The following KCNIP4 variants were observed in gnomAD, a reference collection of about 807,000 sequenced individuals.
The protein encoded by KCNIP4 is potassium voltage-gated channel interacting protein 4.
A neutral mutation model predicts 34.0 loss-of-function variants in KCNIP4; 12 were observed. That is an observed-to-expected ratio of 0.35 (90% confidence interval 0.23 to 0.57). The LOEUF is 0.57. KCNIP4 is among the 20% of genes least tolerant of loss of function. KCNIP4 has a pLI of 0.83. For missense variants in KCNIP4, 238 were observed against 311.7 expected, an observed-to-expected ratio of 0.76 and a Z score of 1.78; for synonymous variants, 124 against 102.2, an observed-to-expected ratio of 1.21 and a Z score of -1.29.
At chr4:21,632,395 AC>A (rs200557585) in intron 1 of KCNIP4, among the ~76,000 whole-genome samples, 4 of 56,944 alleles carry the variant, frequency 7.0e-5, no homozygotes, top group East Asian at 1.2e-3. Flanking sequence ...TGTATTTTTC[AC>A]TTGTTTTTTT....
At chr4:21,509,500 G>C (rs770957067) in intron 1 of KCNIP4, among the ~76,000 whole-genome samples, 10 of 152,212 alleles carry the variant, frequency 6.6e-5, no homozygotes, top group Non-Finnish European at 1.5e-4. Flanking sequence ...AGTGCTGTAG[G>C]CATTTGCTGG....
intron 1 of KCNIP4, among the ~76,000 whole-genome samples, chr4:21,883,680 T>C (rs994233897): frequency 2.0e-5 from 3 of 152,176 alleles, no homozygotes; most frequent in Admixed American, 2.0e-4. Flanking sequence ...TCATCCACAG[T>C]GCTACTGACT....
chr4:20,949,451 G>C (rs562022561), intron 1 of KCNIP4, among the ~76,000 whole-genome samples: 55 of 152,204 alleles, frequency 3.6e-4, no homozygotes, highest in African/African-American at 1.2e-3. Context: ...TCAGTGTGGC[G>C]ATTCCTCAGG....
chr4:21,610,517 T>C (rs758804589), intron 1 of KCNIP4, among the ~76,000 whole-genome samples: 7 of 152,212 alleles, frequency 4.6e-5, no homozygotes, highest in East Asian at 1.9e-4. Flanking sequence ...TTATAATCTT[T>C]CTTTTTGTGA....
chr4:21,226,354 AGAAGGAAG>A (rs778357072), intron 1 of KCNIP4, among the ~76,000 whole-genome samples: 5 of 135,832 alleles, frequency 3.7e-5, no homozygotes, highest in East Asian at 4.3e-4. Flanking sequence ...GAGAAGGAAG[AGAAGGAAG>A]GAAGGAAGGA....
intron 2 of KCNIP4, among the ~76,000 whole-genome samples, chr4:20,857,870 G>A (rs991651811): frequency 2.6e-5 from 4 of 152,040 alleles, no homozygotes; most frequent in African/African-American, 7.2e-5. Context: ...AAATTCATAT[G>A]TTGAAGGTCT....
chr4:21,438,450 G>C (rs1157898260), intron 1 of KCNIP4, among the ~76,000 whole-genome samples: 1 of 152,152 alleles, frequency 6.6e-6, no homozygotes, highest in South Asian at 2.1e-4. Flanking sequence ...TACTGTAACA[G>C]ATTCTTTCCT....
chr4:21,572,978 C>A (rs373811854), intron 1 of KCNIP4, among the ~76,000 whole-genome samples: 1 of 152,086 alleles, frequency 6.6e-6, no homozygotes, highest in South Asian at 2.1e-4. Flanking sequence ...GATCTTTTCC[C>A]TATCTCTTAG....
chr4:21,380,217 C>T (rs563758190), intron 1 of KCNIP4, among the ~76,000 whole-genome samples: 2 of 152,092 alleles, frequency 1.3e-5, no homozygotes, highest in East Asian at 3.9e-4. Context: ...ATAGAAAGTG[C>T]TTTGTATACC....
intron 1 of KCNIP4, among the ~76,000 whole-genome samples, chr4:21,119,190 G>T (rs913612873): frequency 6.6e-6 from 1 of 152,054 alleles, no homozygotes; most frequent in South Asian, 2.1e-4. Context: ...GGGCCCAAAT[G>T]GTGGAAGAGG....
intron 1 of KCNIP4, among the ~76,000 whole-genome samples, chr4:21,423,270 GT>G (rs1271366822): frequency 3.9e-5 from 6 of 152,182 alleles, no homozygotes; most frequent in African/African-American, 1.4e-4. Flanking sequence ...GAGTATTTAT[GT>G]AAAAGGCACT....
In KCNIP4 at chr4:20,803,797, T is replaced by C. The variant is rs543997445; in HGVS notation, c.289-44907A>G. 4.1e-4 allele frequency among the ~76,000 whole-genome samples: 61 copies of C among 149,606 alleles called. 1 individual carries two copies. The highest frequency in any genetic ancestry group is 3.9e-3 in the Admixed American group (58 of 15,012). On this transcript the variant is annotated intron_variant, in intron 3 of 8. Coordinates refer to ENST00000382152, the MANE Select transcript of KCNIP4 (RefSeq NM_025221.6). Reference sequence around the variant, plus strand: ...CGGAAAATAGAGAACAGAAAAACCATAGAAAGAATCGAGAATATATTTTTG... The same window carrying C: ...CGGAAAATAGAGAACAGAAAAACCACAGAAAGAATCGAGAATATATTTTTG...
At chr4:21,891,884 G>T (rs762960213) in intron 1 of KCNIP4, among the ~76,000 whole-genome samples, 26 of 151,956 alleles carry the variant, frequency 1.7e-4, no homozygotes, top group Non-Finnish European at 3.5e-4. Context: ...AAATTAATTT[G>T]CCTCTGTCTC....
chr4:21,443,380 T>TA (rs1348856452), intron 1 of KCNIP4, among the ~76,000 whole-genome samples: 1 of 152,212 alleles, frequency 6.6e-6, no homozygotes, highest in East Asian at 1.9e-4. Context: ...TGCTGTAGAA[T>TA]ATGTTAGTAT....
At chr4:21,436,186 A>C (rs933090940) in intron 1 of KCNIP4, among the ~76,000 whole-genome samples, 2 of 152,148 alleles carry the variant, frequency 1.3e-5, no homozygotes, top group Admixed American at 6.5e-5. Flanking sequence ...ATGTCAAGAA[A>C]ATCATGTGTT....
intron 1 of KCNIP4, among the ~76,000 whole-genome samples, chr4:21,531,196 C>T (rs544678637): frequency 7.9e-5 from 12 of 152,238 alleles, no homozygotes; most frequent in African/African-American, 2.6e-4. Context: ...AAGTGAAAAC[C>T]AACCTGCTTA....
intron 1 of KCNIP4, among the ~76,000 whole-genome samples, chr4:21,629,409 C>T (rs987119316): frequency 6.6e-5 from 10 of 152,144 alleles, no homozygotes; most frequent in African/African-American, 9.7e-5. Flanking sequence ...AGCAATAATA[C>T]TAACTACTCT....
chr4:20,964,101 C>A (rs1304133851), intron 1 of KCNIP4, among the ~76,000 whole-genome samples: 2 of 152,052 alleles, frequency 1.3e-5, no homozygotes, highest in African/African-American at 4.8e-5. Context: ...TGTTCTAGAA[C>A]CTATAAGTAT....
intron 1 of KCNIP4, among the ~76,000 whole-genome samples, chr4:21,185,953 T>C (rs1430264391): frequency 2.0e-5 from 3 of 152,212 alleles, no homozygotes; most frequent in East Asian, 1.9e-4. Context: ...TCTTGTTCAA[T>C]GCTGAGTACA....
Sources: allele counts gnomAD v4.1 joint callset (sites outside exome capture counted in the v4.1 genomes callset), GRCh38; gene constraint gnomAD v4.1.1; transcripts MANE v1.5; gene names NCBI Gene and HGNC (gene_info 2026-07-23, HGNC 2026-07-21).